The following FAM209A variants were observed in gnomAD, a reference collection of about 807,000 sequenced individuals.
The protein encoded by FAM209A is protein FAM209A.
A neutral mutation model predicts 9.8 loss-of-function variants in FAM209A; 4 were observed. The observed-to-expected ratio is 0.41, with a 90% CI of 0.20 to 0.94. The LOEUF is 0.94. Ranked by LOEUF, FAM209A falls within the 40% of genes least tolerant of loss-of-function variation. The pLI, the probability that FAM209A is intolerant of heterozygous loss-of-function variation, is 0.32. For missense variants in FAM209A, 205 were observed against 209.4 expected, an observed-to-expected ratio of 0.98 and a Z score of 0.13; for synonymous variants, 55 against 77.8, an observed-to-expected ratio of 0.71 and a Z score of 1.54.
downstream of FAM209A, among the ~76,000 whole-genome samples, chr20:56,529,973 A>G (rs1424654150): frequency 6.6e-6 from 1 of 152,244 alleles, no homozygotes; most frequent in Admixed American, 6.5e-5. Context: ...GTGAGCTGAC[A>G]TAGTGCCCCT....
the FAM209A span, among the ~76,000 whole-genome samples, chr20:56,531,229 T>C: frequency 1.3e-5 from 2 of 152,060 alleles, no homozygotes; most frequent in Non-Finnish European, 2.9e-5. Flanking sequence ...TAACCTAGTA[T>C]AGAGCAGTCC....
Position 56,526,043 on chromosome 20 carries a change from A to C in FAM209A, c.489A>C (p.Glu163Asp). ...PADPYHVTICEIWGEESSS is the reference protein window; with the variant it reads ...PADPYHVTICDIWGEESSS Reference sequence around the variant, plus strand: ...ATCCATACCATGTCACGATCTGTGAAATATGGGGAGAAGAAAGCTCTAGCT... The same window carrying C: ...ATCCATACCATGTCACGATCTGTGACATATGGGGAGAAGAAAGCTCTAGCT... Residue 163 changes from glutamate (E) to aspartate (D), a missense_variant, in exon 2 of 2, where the codon GAA (glutamate) becomes GAC (aspartate). Transcript: ENST00000371328. 1 of 1,608,272 alleles carries C rather than the reference A, an allele frequency of 6.2e-7. No homozygotes were observed. Among genetic ancestry groups the C allele is most frequent in the Non-Finnish European group, 8.5e-7 (1 of 1,176,882 alleles).
downstream of FAM209A, among the ~76,000 whole-genome samples, chr20:56,527,998 T>G (rs1985610400): frequency 6.6e-6 from 1 of 152,046 alleles, no homozygotes; most frequent in Non-Finnish European, 1.5e-5. Context: ...TCCCAGCTAC[T>G]CAGGAGGCTG....
chr20:56,532,588 A>G, the FAM209A span, among the ~76,000 whole-genome samples: 1 of 139,902 alleles, frequency 7.1e-6, no homozygotes, highest in Admixed American at 8.0e-5. Flanking sequence ...GGTTCAAGTG[A>G]TTCTCCTGTC....
chr20:56,525,745 A>G, intron 1 of FAM209A, 59 bp from the exon 2 acceptor site: 1 of 1,556,568 alleles, frequency 6.4e-7, no homozygotes, highest in Non-Finnish European at 8.7e-7. Flanking sequence ...TGTAACACGA[A>G]CTGTGTCAAA....
chr20:56,527,070 G>A (rs1182449648), downstream of FAM209A, among the ~76,000 whole-genome samples: 1 of 152,148 alleles, frequency 6.6e-6, no homozygotes, highest in Non-Finnish European at 1.5e-5. Context: ...TGGCATCTCT[G>A]TACATACTTA....
downstream of FAM209A, chr20:56,526,290 C>T (rs1289839860): frequency 3.4e-6 from 2 of 587,114 alleles, no homozygotes; most frequent in South Asian, 3.2e-5. Context: ...GAGAAGAACA[C>T]CGAAAGCTAC....
At chr20:56,527,064 A>C (rs934347960), downstream of FAM209A, among the ~76,000 whole-genome samples, 2 of 152,152 alleles carry the variant, frequency 1.3e-5, no homozygotes, top group African/African-American at 4.8e-5. Context: ...GGCTGATGGC[A>C]TCTCTGTACA....
chr20:56,530,237 A>AATGGAGG (rs1985697513), downstream of FAM209A, among the ~76,000 whole-genome samples: 1 of 149,270 alleles, frequency 6.7e-6, no homozygotes, highest in South Asian at 2.2e-4. Context: ...AAGGAGCAGG[A>AATGGAGG]ATGGAGGACA....
the FAM209A span, among the ~76,000 whole-genome samples, chr20:56,532,482 T>G: frequency 3.8e-5 from 1 of 26,178 alleles, no homozygotes; most frequent in East Asian, 2.8e-4. Context: ...TTCTTTTTCT[T>G]TTTTTTTTTT....
the FAM209A span, among the ~76,000 whole-genome samples, chr20:56,532,464 CTTTCTT>C: frequency 6.8e-3 from 916 of 133,942 alleles, 9 homozygotes; most frequent in African/African-American, 0.026. Context: ...ATTTTCTTTT[CTTTCTT>C]TTTCTTTTTC....
downstream of FAM209A, among the ~76,000 whole-genome samples, chr20:56,529,980 C>T (rs569290201): frequency 2.1e-3 from 318 of 152,308 alleles, 1 homozygote; most frequent in Non-Finnish European, 3.5e-3. Context: ...GACATAGTGC[C>T]CCTGCACTCC....
At chr20:56,532,927 G>T in the FAM209A span, among the ~76,000 whole-genome samples, 8 of 152,192 alleles carry the variant, frequency 5.3e-5, no homozygotes, top group African/African-American at 1.9e-4. Context: ...TTTGTAGGTA[G>T]CCTGTGGTTT....
rs990962379 is a variant in FAM209A at position 56,526,024 on chromosome 20, A to G, written c.470A>G (p.Tyr157Cys). Residue 157 changes from tyrosine to cysteine, a missense_variant, in exon 2 of 2, where the codon TAC becomes TGC. By Grantham distance (194) the Tyr-to-Cys change is radical. Transcript: ENST00000371328. ...LRKSEMPADP[Y>C]HVTICEIWGE... ...AAGTCAGAGATGCCTGCAGATCCATACCATGTCACGATCTGTGAAATATGG... is the reference window on the plus strand; with the variant it reads ...AAGTCAGAGATGCCTGCAGATCCATGCCATGTCACGATCTGTGAAATATGG... 1 of 1,613,534 alleles carries G rather than the reference A, an allele frequency of 6.2e-7. No homozygotes were observed. Among genetic ancestry groups the G allele is most frequent in the Non-Finnish European group, 8.5e-7 (1 of 1,179,698 alleles).
downstream of FAM209A, among the ~76,000 whole-genome samples, chr20:56,527,324 C>G (rs960247119): frequency 2.6e-5 from 4 of 152,126 alleles, no homozygotes. Flanking sequence ...TGAGCAATTC[C>G]TTACTTTCTG....
At chr20:56,529,231 C>A (rs773628515), downstream of FAM209A, among the ~76,000 whole-genome samples, 2 of 145,624 alleles carry the variant, frequency 1.4e-5, no homozygotes, top group African/African-American at 5.1e-5. Flanking sequence ...ACAAATTATT[C>A]TTAGGCTGGG....
At chr20:56,532,480 C>CTTTTTTTTTTTTTTTTTTTTTTTTT in the FAM209A span, among the ~76,000 whole-genome samples, 1 of 108,260 alleles carries the variant, frequency 9.2e-6, no homozygotes, top group Non-Finnish European at 1.8e-5. Flanking sequence ...TTTTCTTTTT[C>CTTTTTTTTTTTTTTTTTTTTTTTTT]TTTTTTTTTT....
the FAM209A span, among the ~76,000 whole-genome samples, chr20:56,532,480 C>CTTTTTTTTTTTTTTTTTT: frequency 2.8e-5 from 3 of 108,260 alleles, no homozygotes; most frequent in East Asian, 6.9e-4. Context: ...TTTTCTTTTT[C>CTTTTTTTTTTTTTTTTTT]TTTTTTTTTT....
the FAM209A span, chr20:56,533,555 A>G: frequency 6.2e-7 from 1 of 1,614,062 alleles, no homozygotes; most frequent in African/African-American, 1.3e-5. Flanking sequence ...GCCGTTTGTG[A>G]TACTGCAGTG....
Sources: gnomAD v4.1 joint callset for allele counts (sites outside exome capture counted in the v4.1 genomes callset) on GRCh38, gnomAD v4.1.1 for gene constraint, MANE v1.5 for transcripts, NCBI Gene and HGNC (gene_info 2026-07-23, HGNC 2026-07-21) for gene names.